Variants in ZDHHC23 observed in about 807,000 individuals in gnomAD.
ZDHHC23 encodes the protein palmitoyltransferase ZDHHC23.
ZDHHC23 carries 41 observed loss-of-function variants against 40.2 expected under a neutral mutation model. That is an observed-to-expected ratio of 1.02 (90% CI 0.79 to 1.32). ZDHHC23 has a LOEUF of 1.32. Ranked by LOEUF, ZDHHC23 falls within the 40% of genes most tolerant of loss-of-function variation. The pLI is 0.00. For synonymous variants in ZDHHC23, 204 were observed against 210.2 expected (o/e 0.97, Z 0.26); for missense variants, 471 against 541.5 (o/e 0.87, Z 1.29).
chr3:113,954,451 A>G (rs1429821645), intron 3 of ZDHHC23, 41 bp downstream of exon 3: 1 of 1,482,142 alleles, frequency 6.7e-7, no homozygotes, highest in South Asian at 1.4e-5. Flanking sequence ...GTGTAAATTC[A>G]TGTAAAACTC....
At chr3:113,976,733 A>AAGAT in the ZDHHC23 span, among the ~76,000 whole-genome samples, 70 of 152,186 alleles carry the variant, frequency 4.6e-4, no homozygotes, top group African/African-American at 1.2e-3. Flanking sequence ...AGCAATCCAT[A>AAGAT]AGATAGATAG....
chr3:113,960,596 G>T lies in ZDHHC23; in HGVS notation c.*1966G>T. The T allele has an allele frequency of 6.5e-7, 1 of 1,545,796 alleles. No homozygotes were observed. Reference sequence around the variant, plus strand: ...CATTAGTCAGTAATTTTAGCTTCTTGCCAAATTGTTCACAACATCTAAATG... The same window carrying T: ...CATTAGTCAGTAATTTTAGCTTCTTTCCAAATTGTTCACAACATCTAAATG... On this transcript the variant is annotated 3_prime_UTR_variant, in exon 5 of 5. Transcript: ENST00000638807.
At chr3:113,957,616 G>GT (rs769782106) in intron 4 of ZDHHC23, 37 of 447,252 alleles carry the variant, frequency 8.3e-5, no homozygotes, top group Admixed American at 1.9e-4. Flanking sequence ...CATCTTTTTG[G>GT]TTAGGTCCTT....
In ZDHHC23 at chr3:113,959,417, A is replaced by C. The variant is rs1577273983; in HGVS notation, c.*787A>C. The C allele has an allele frequency of 1.6e-6, 2 of 1,215,764 alleles. No individual in the cohort carries two copies. Among genetic ancestry groups the C allele is most frequent in the Non-Finnish European group, 2.1e-6 (2 of 937,334 alleles). The allele number at this position is 1,215,764 out of a possible 1,614,324, so 75.3% of individuals were successfully genotyped here. A position where few individuals can be genotyped will look rare whatever the true frequency, so the allele number is the denominator to read the frequency against. On this transcript the variant is annotated 3_prime_UTR_variant, in exon 5 of 5. Transcript: ENST00000638807. ...TGTAATGTAGTGTGGCCATGAGTTTAGGTGATGAGTTCTTCTATTTATATT... is the reference window on the plus strand; with the variant it reads ...TGTAATGTAGTGTGGCCATGAGTTTCGGTGATGAGTTCTTCTATTTATATT...
At chr3:113,953,670 G>A (rs772914199) in intron 2 of ZDHHC23, 30 bp from the exon 3 acceptor site, 51 of 1,575,262 alleles carry the variant, frequency 3.2e-5, no homozygotes, top group Admixed American at 8.7e-5. Flanking sequence ...CCCACATGAA[G>A]TCCCTCCTCT....
rs1390013818 is a variant in ZDHHC23, at chr3:113,960,515, T to A, written c.*1885T>A. ...AAATTGGTAGTCGTGCTTTTGAATG[T>A]CAGCTGTAGAGCCAACTCTGATTAT... On this transcript the variant is annotated 3_prime_UTR_variant, in exon 5 of 5. Transcript: ENST00000638807. 6 of 1,400,034 alleles carry A rather than the reference T, an allele frequency of 4.3e-6. No individual in the cohort carries two copies. The highest frequency in any genetic ancestry group is 5.5e-6 in the Non-Finnish European group (6 of 1,084,804). 86.7% of individuals were successfully genotyped at this position (1,400,034 alleles called of 1,614,324 possible).
At position 113,958,751 on chromosome 3, in the gene ZDHHC23, G is replaced by T. The variant is rs1407420721; in HGVS notation, c.*121G>T. 3.2e-6 allele frequency: 5 copies of T among 1,576,184 alleles called. No individual in the cohort carries two copies. The African/African-American group carries it at 5.4e-5, about 17-fold the overall frequency. On this transcript the variant is annotated 3_prime_UTR_variant, in exon 5 of 5. Coordinates refer to ENST00000638807, the MANE Select transcript of ZDHHC23 (RefSeq NM_001320466.2). The stretch of plus-strand genomic sequence containing the variant: ...AAAGGCATTATAGGGCCATGCTCAG[G>T]TTTAGAGACTGGAGTGGGAAGAAGT...
chr3:113,978,649 C>T, the ZDHHC23 span: 25 of 616,742 alleles, frequency 4.1e-5, no homozygotes, highest in South Asian at 1.1e-4. Context: ...TTTATACACA[C>T]TCCGTGAAAC....
At chr3:113,970,966 A>G in the ZDHHC23 span, among the ~76,000 whole-genome samples, 40 of 152,216 alleles carry the variant, frequency 2.6e-4, no homozygotes, top group African/African-American at 8.7e-4. Flanking sequence ...CCAGTCTATC[A>G]TTGTTGGACA....
rs1358915891 is a variant in ZDHHC23, at chr3:113,960,148, T to TTA, written c.*1522_*1523dup. On this transcript the variant is annotated 3_prime_UTR_variant, in exon 5 of 5. Transcript: ENST00000638807. ...GTGCATGCTGCTTTAAGCAAGAGAT[T>TTA]TATATTTGTTGAGAGGAAATATTGC... The TTA allele has an allele frequency of 1.5e-5, 15 of 990,518 alleles. No homozygotes were observed. The highest frequency in any genetic ancestry group is 1.8e-5 in the Non-Finnish European group (15 of 832,940). The allele number at this position is 990,518 out of a possible 1,614,324, so 61.4% of individuals were successfully genotyped here.
In ZDHHC23 at chr3:113,948,888, T is replaced by C. The variant is rs1938389643; in HGVS notation, c.86T>C (p.Ile29Thr). 3 of 1,614,166 alleles carry C rather than the reference T, an allele frequency of 1.9e-6. No homozygotes were observed. In the East Asian group the frequency reaches 6.7e-5, roughly 36 times the overall value. The stretch of plus-strand genomic sequence containing the variant: ...GAGCCCCTGTGCTGCTGCGAGTACA[T>C]AGATCGGAATGGGGAAAAGAACCAC... ...ELEPLCCCEY[I>T]DRNGEKNHVA... The change falls in exon 2 of 5, where the codon ATA becomes ACA. Residue 29 changes from isoleucine (I) to threonine (T), a missense_variant. By Grantham distance (89) the Ile-to-Thr change is moderately conservative. This residue lies in a region of ZDHHC23 where 83 missense variants were observed against 67.8 expected (regional missense o/e 1.22). Transcript: ENST00000638807.
chr3:113,964,407 T>A (rs1466185943), downstream of ZDHHC23: 1 of 152,200 alleles, frequency 6.6e-6, no homozygotes, highest in Non-Finnish European at 1.5e-5. Flanking sequence ...AAGATAGGTA[T>A]CTCAATATCT....
intron 3 of ZDHHC23, 111 bp from the exon 4 acceptor site, chr3:113,956,228 C>G: frequency 8.2e-7 from 1 of 1,226,148 alleles, no homozygotes; most frequent in Non-Finnish European, 1.1e-6. Context: ...GCCTGAACTA[C>G]AGAGCAAGAC....
At chr3:113,973,223 G>C in the ZDHHC23 span, among the ~76,000 whole-genome samples, 1 of 152,000 alleles carries the variant, frequency 6.6e-6, no homozygotes, top group Non-Finnish European at 1.5e-5. Flanking sequence ...CCAACATTTT[G>C]ACTTTTTCTT....
chr3:113,979,151 C>T, the ZDHHC23 span: 1 of 770,988 alleles, frequency 1.3e-6, no homozygotes, highest in Non-Finnish European at 2.1e-6. Context: ...AGCCTGTGTC[C>T]TAAAAGCTTT....
chr3:113,949,106 C>A, intron 2 of ZDHHC23, 143 bp downstream of exon 2: 1 of 1,100,024 alleles, frequency 9.1e-7, no homozygotes, highest in Non-Finnish European at 1.3e-6. Context: ...GCTTCTGTGT[C>A]AAGTGTGAGG....
At chr3:113,957,836 G>A (rs114478200) in intron 4 of ZDHHC23, 2 of 518,554 alleles carry the variant, frequency 3.9e-6, no homozygotes, top group Admixed American at 1.9e-5. Context: ...GAATGTCTCG[G>A]TGTTCCTACA....
chr3:113,970,317 T>A (rs1396077717), downstream of ZDHHC23, among the ~76,000 whole-genome samples: 1 of 152,156 alleles, frequency 6.6e-6, no homozygotes. Flanking sequence ...TTTAGCTTCT[T>A]CCTTTTCAAT....
At chr3:113,972,752 A>G in the ZDHHC23 span, among the ~76,000 whole-genome samples, 2 of 152,118 alleles carry the variant, frequency 1.3e-5, no homozygotes, top group Non-Finnish European at 2.9e-5. Flanking sequence ...TTGAGTGCAT[A>G]GATATTTATA....
Sources: gnomAD v4.1 joint callset for allele counts (sites outside exome capture counted in the v4.1 genomes callset) on GRCh38, gnomAD v4.1.1 for gene constraint, gnomAD v4.1.1 regional missense constraint, MANE v1.5 for transcripts, NCBI Gene and HGNC (gene_info 2026-07-23, HGNC 2026-07-21) for gene names.